The following LMF1 variants were observed in gnomAD, a reference collection of about 807,000 sequenced individuals.
LMF1 encodes the protein transmembrane protein 112.
LMF1 carries 68 observed loss-of-function variants against 60.6 expected under a neutral mutation model. That is an observed-to-expected ratio of 1.12 (90% CI 0.92 to 1.37). The LOEUF (loss-of-function observed/expected upper bound fraction) is 1.37. Among genes scored for constraint, LMF1 ranks in the 40% most tolerant of loss-of-function variants. The pLI is 0.00. For synonymous variants in LMF1, 418 were observed against 324.7 expected, an observed-to-expected ratio of 1.29 and a Z score of -3.09; for missense variants, 948 against 767.2, an observed-to-expected ratio of 1.24 and a Z score of -2.78.
chr16:964,997 T>C (rs539882079), intron 1 of LMF1, among the ~76,000 whole-genome samples: 2 of 152,316 alleles, frequency 1.3e-5, no homozygotes, highest in Non-Finnish European at 1.5e-5. Context: ...AAAACTAGCA[T>C]GGAGATCCCC....
At position 970,897 on chromosome 16, in the gene LMF1, C is replaced by T. The variant is rs2073033917; in HGVS notation, c.84G>A (p.Glu28=). 6.3e-7 allele frequency: 1 copy of T among 1,579,588 alleles called. No individual in the cohort carries two copies. Among genetic ancestry groups the T allele is most frequent in the Non-Finnish European group, 8.6e-7 (1 of 1,164,794 alleles). ...RKTGYSDPEP[E]SPPAPGRGPA... is the part of the protein sequence containing the mutation. ...GGCCACGCCCCGGCGCGGGCGGCGACTCAGGCTCCGGATCCGAGTACCCAG... is the reference window on the plus strand; with the variant it reads ...GGCCACGCCCCGGCGCGGGCGGCGATTCAGGCTCCGGATCCGAGTACCCAG... The change falls in exon 1 of 11, where the codon GAG becomes GAA. Residue 28 remains glutamate, a synonymous_variant. Transcript: ENST00000262301.
chr16:856,964 C>G (rs1028139383), intron 10 of LMF1, among the ~76,000 whole-genome samples: 1 of 152,242 alleles, frequency 6.6e-6, no homozygotes, highest in Non-Finnish European at 1.5e-5. Context: ...CCACACCCTC[C>G]CCGACCTTCG....
At chr16:904,332 TG>T (rs2070912353) in intron 4 of LMF1, among the ~76,000 whole-genome samples, 1 of 113,678 alleles carries the variant, frequency 8.8e-6, no homozygotes, top group African/African-American at 3.5e-5. Flanking sequence ...CTCTGCTGCG[TG>T]GTGGTGACCT....
At chr16:884,639 G>A (rs117946800) in intron 5 of LMF1, among the ~76,000 whole-genome samples, 3,482 of 152,090 alleles carry the variant, frequency 0.023, 35 homozygotes, top group Non-Finnish European at 0.035. Flanking sequence ...GTGATGTTAG[G>A]TGGAGGGAGA....
intron 5 of LMF1, among the ~76,000 whole-genome samples, chr16:891,528 G>C (rs1441715943): frequency 6.6e-6 from 1 of 152,242 alleles, no homozygotes; most frequent in Non-Finnish European, 1.5e-5. Flanking sequence ...CCGGTGCTGG[G>C]CCAGGGGGCT....
chr16:975,504 C>T (rs2073118290), upstream of LMF1, among the ~76,000 whole-genome samples: 1 of 152,190 alleles, frequency 6.6e-6, no homozygotes, highest in Admixed American at 6.5e-5. Flanking sequence ...TCAGAGCCCA[C>T]CGTTGTGTGT....
intron 10 of LMF1, chr16:855,625 A>C: frequency 2.2e-6 from 1 of 444,718 alleles, no homozygotes. Flanking sequence ...CAGGAGCGGA[A>C]GCTTCTCAGC....
In LMF1 at chr16:869,158, C is replaced by G. The variant is rs2069701482; in HGVS notation, c.1417-102G>C. 4 of 832,288 alleles carry G rather than the reference C, an allele frequency of 4.8e-6. No homozygotes were observed. In the Admixed American group the frequency reaches 5.2e-5, roughly 11 times the overall value. 51.6% of individuals were successfully genotyped at this position (832,288 alleles called of 1,614,324 possible). On this transcript the variant is annotated intron_variant, in intron 9 of 10. Coordinates refer to ENST00000262301, the MANE Select transcript of LMF1 (RefSeq NM_022773.4). ...CCCTCCACTCCCTCCTGAGGCTTTC[C>G]TGGAGGTGGGTTCCCTGGGCAGCCG...
At chr16:931,754 T>G (rs150957667) in intron 3 of LMF1, 3 of 1,287,084 alleles carry the variant, frequency 2.3e-6, no homozygotes, top group Non-Finnish European at 3.0e-6. Flanking sequence ...ACGAGTCTTC[T>G]GAATTTCTGC....
intron 10 of LMF1, among the ~76,000 whole-genome samples, 155 bp downstream of exon 10, chr16:868,788 GC>G (rs2069685392): frequency 7.3e-6 from 1 of 136,220 alleles, no homozygotes; most frequent in Non-Finnish European, 1.6e-5. Flanking sequence ...GGGGGGGGGG[GC>G]CCTTTTTGCT....
chr16:856,818 A>T (rs952634198), intron 10 of LMF1, among the ~76,000 whole-genome samples: 1 of 152,118 alleles, frequency 6.6e-6, no homozygotes, highest in Admixed American at 6.5e-5. Flanking sequence ...AAAATAGGGG[A>T]TCTCCCAGCC....
intron 3 of LMF1, among the ~76,000 whole-genome samples, chr16:919,121 C>T (rs532079328): frequency 6.6e-6 from 1 of 152,244 alleles, no homozygotes; most frequent in African/African-American, 2.4e-5. Flanking sequence ...CCCCTCACCA[C>T]ACAGTCTCGG....
chr16:926,186 A>G (rs1187749431), intron 3 of LMF1, among the ~76,000 whole-genome samples: 1 of 151,494 alleles, frequency 6.6e-6, no homozygotes, highest in Non-Finnish European at 1.5e-5. Context: ...ACACATTTGC[A>G]TATGATCTGC....
intron 3 of LMF1, among the ~76,000 whole-genome samples, chr16:917,166 C>T (rs1057070793): frequency 3.9e-5 from 6 of 152,224 alleles, no homozygotes; most frequent in South Asian, 4.1e-4. Context: ...ACTCTCATGC[C>T]GGTACCATGG....
chr16:859,017 G>A (rs1445249835), intron 10 of LMF1, among the ~76,000 whole-genome samples: 2 of 93,980 alleles, frequency 2.1e-5, no homozygotes, highest in Admixed American at 1.1e-4. Context: ...GTGTGCAGTG[G>A]TGTCACGGGA....
chr16:937,992 G>A (rs537346295), intron 2 of LMF1, among the ~76,000 whole-genome samples: 11 of 152,042 alleles, frequency 7.2e-5, no homozygotes, highest in Middle Eastern at 3.4e-3. Flanking sequence ...TGAAGTCTTT[G>A]TCATGTGGTG....
chr16:883,850 C>T (rs1464311811), intron 5 of LMF1: 1 of 152,174 alleles, frequency 6.6e-6, no homozygotes, highest in Non-Finnish European at 1.5e-5. Context: ...GTTTGATTGA[C>T]AAATAATCAA....
intron 10 of LMF1, among the ~76,000 whole-genome samples, chr16:861,449 C>T (rs535398506): frequency 1.1e-4 from 16 of 151,496 alleles, no homozygotes; most frequent in Non-Finnish European, 2.2e-4. Flanking sequence ...CCTCTGCCTC[C>T]CCGGTACAAG....
chr16:979,923 G>A (rs2073295074), intron 1 of LMF1: 1 of 365,858 alleles, frequency 2.7e-6, no homozygotes, highest in South Asian at 2.0e-5. Flanking sequence ...GAAGGATGCG[G>A]GGACCCCGAG....
Sources: allele counts gnomAD v4.1 joint callset (sites outside exome capture counted in the v4.1 genomes callset), GRCh38; gene constraint gnomAD v4.1.1; transcripts MANE v1.5; gene names NCBI Gene and HGNC (gene_info 2026-07-23, HGNC 2026-07-21).